The following USH1C variants were observed in gnomAD, a reference collection of about 807,000 sequenced individuals.
USH1C encodes USH1 protein network component harmonin.
In USH1C, 90 loss-of-function variants were observed where a neutral mutation model predicts 119.3. The observed-to-expected ratio is 0.75, with a 90% CI of 0.64 to 0.90. The LOEUF (loss-of-function observed/expected upper bound fraction) is 0.90, where lower values mean the gene tolerates loss of function less well. USH1C is among the 40% of genes least tolerant of loss of function. The pLI is 0.00. For missense variants in USH1C, 1,165 were observed against 1,167.7 expected, an observed-to-expected ratio of 1.00 and a Z score of 0.03; for synonymous variants, 465 against 443.3, an observed-to-expected ratio of 1.05 and a Z score of -0.62.
Position 17,526,354 on chromosome 11 carries a change from C to T in USH1C, c.667G>A (p.Gly223Ser), listed in dbSNP as rs1850671843. Residue 223 changes from glycine (G) to serine (S), a missense_variant, in exon 8 of 27, where the codon GGC becomes AGC. Coordinates refer to ENST00000005226, the MANE Select transcript of USH1C (RefSeq NM_153676.4). ...GGCATGCCTGCCACCCACCTGCAGC[C>T]AAGGCCTCGGGAGCCTACCAGGCTG... Reference protein sequence around the residue: ...FISLVGSRGLGCSISSGPIQK... With the variant: ...FISLVGSRGLSCSISSGPIQK... 1 of 1,613,666 alleles carries T rather than the reference C, an allele frequency of 6.2e-7. No individual in the cohort carries two copies. Among genetic ancestry groups the T allele is most frequent in the African/African-American group, 1.3e-5 (1 of 74,920 alleles).
chr11:17,523,487 G>A lies in USH1C; in HGVS notation c.760-9C>T, dbSNP rs762270580. 2 of 1,614,138 alleles carry A rather than the reference G, an allele frequency of 1.2e-6. No individual in the cohort carries two copies. Among genetic ancestry groups the A allele is most frequent in the Admixed American group, 1.7e-5 (1 of 60,024 alleles). ...ACAATCTGGTCCCCTATCTGGTGGG[G>A]AAATGGAGAAAGATTAGTGTGTTTG... On this transcript the variant is annotated splice_polypyrimidine_tract_variant and intron_variant, in intron 9 of 26. Transcript: ENST00000005226.
intron 20 of USH1C, among the ~76,000 whole-genome samples, chr11:17,502,494 G>A (rs898659480): frequency 2.6e-5 from 4 of 152,218 alleles, no homozygotes; most frequent in African/African-American, 7.2e-5. Context: ...GGGAGCCCAC[G>A]GACAACAAGA....
Position 17,505,884 on chromosome 11 carries a change from C to T in USH1C, c.2079G>A (p.Met693Ile). 1.2e-6 allele frequency: 2 copies of T among 1,614,156 alleles called. No homozygotes were observed. Among genetic ancestry groups the T allele is most frequent in the Non-Finnish European group, 8.5e-7 (1 of 1,180,026 alleles). Residue 693 changes from methionine (M) to isoleucine (I), a missense_variant, in exon 19 of 27, where the codon ATG (methionine) becomes ATA (isoleucine). Transcript: ENST00000005226. Reference sequence around the variant, plus strand: ...AGATGAAATTGGGCTCCTGGTGGACCATGACAGGTTTGGAGATGGTGGACA... The same window carrying T: ...AGATGAAATTGGGCTCCTGGTGGACTATGACAGGTTTGGAGATGGTGGACA... The part of the protein sequence containing the change: ...PGVSTISKPV[M>I]VHQEPNFIYR...
At position 17,509,762 on chromosome 11, in the gene USH1C, A is replaced by G; in HGVS notation, c.1607T>C (p.Leu536Pro). 1.3e-6 allele frequency: 2 copies of G among 1,594,310 alleles called. No homozygotes were observed. Among genetic ancestry groups the G allele is most frequent in the South Asian group, 1.1e-5 (1 of 90,794 alleles). The change falls in exon 18 of 27, where the codon CTG becomes CCG. Residue 536 changes from leucine (L) to proline (P), a missense_variant. Physicochemically the swap from Leu to Pro is moderately conservative, Grantham distance 98 (BLOSUM62 -3). Transcript: ENST00000005226. ...GTCCAGGTCAGTGGTGTGCAGGTGCAGTCCGCCTGCGAAGCGTCTCAAGGG... is the reference window on the plus strand; with the variant it reads ...GTCCAGGTCAGTGGTGTGCAGGTGCGGTCCGCCTGCGAAGCGTCTCAAGGG... ...APPLRRFAGG[L>P]HLHTTDLDDI...
chr11:17,503,888 T>C (rs961365301), intron 20 of USH1C, among the ~76,000 whole-genome samples: 3 of 152,194 alleles, frequency 2.0e-5, no homozygotes, highest in African/African-American at 4.8e-5. Context: ...CCAACACCTA[T>C]GTCTCACTGC....
Position 17,504,756 on chromosome 11 carries a change from C to T in USH1C, c.2134-59G>A, listed in dbSNP as rs1354746449. 6 of 1,581,244 alleles carry T rather than the reference C, an allele frequency of 3.8e-6. No individual in the cohort carries two copies. The East Asian group carries it at 6.7e-5, about 18-fold the overall frequency. Reference sequence around the variant, plus strand: ...GATGTTACCAATAGGTCTTGGCTGCCCCCTGGTGCCAGGCTTCGGGCCTGC... The same window carrying T: ...GATGTTACCAATAGGTCTTGGCTGCTCCCTGGTGCCAGGCTTCGGGCCTGC... On this transcript the variant is annotated intron_variant, in intron 19 of 26. Coordinates refer to ENST00000005226, the MANE Select transcript of USH1C (RefSeq NM_153676.4).
intron 13 of USH1C, 132 bp from the exon 14 acceptor site, chr11:17,521,126 C>A: frequency 7.6e-7 from 1 of 1,308,680 alleles, no homozygotes; most frequent in Non-Finnish European, 1.1e-6. Flanking sequence ...GCAAAGTCCC[C>A]GAGCTTGTAT....
At position 17,512,062 on chromosome 11, in the gene USH1C, G is replaced by T; in HGVS notation, c.1261-8C>A. On this transcript the variant is annotated splice_region_variant and splice_polypyrimidine_tract_variant and intron_variant, in intron 15 of 26. Transcript: ENST00000005226. ...CTTCTTATCTTTTCCTTTCTGAGTAGATGTGGCATTGTTTATATGACAAAG... is the reference window on the plus strand; with the variant it reads ...CTTCTTATCTTTTCCTTTCTGAGTATATGTGGCATTGTTTATATGACAAAG... The T allele has an allele frequency of 6.2e-7, 1 of 1,613,972 alleles. No individual in the cohort carries two copies. Among genetic ancestry groups the T allele is most frequent in the Non-Finnish European group, 8.5e-7 (1 of 1,179,988 alleles).
In USH1C at chr11:17,495,555, G is replaced by T; in HGVS notation, c.2655+14C>A. 1 of 1,612,690 alleles carries T rather than the reference G, an allele frequency of 6.2e-7. No individual in the cohort carries two copies. The highest frequency in any genetic ancestry group is 8.5e-7 in the Non-Finnish European group (1 of 1,179,058). Reference sequence around the variant, plus strand: ...AGGGACACACAGGGCCCTGTGGCCCGCCTGCCTATTCACCGTGGGCTCCAG... The same window carrying T: ...AGGGACACACAGGGCCCTGTGGCCCTCCTGCCTATTCACCGTGGGCTCCAG... On this transcript the variant is annotated intron_variant, in intron 26 of 26. Transcript: ENST00000005226.
chr11:17,523,820 G>T (rs1453882162), intron 9 of USH1C, among the ~76,000 whole-genome samples: 2 of 152,248 alleles, frequency 1.3e-5, no homozygotes, highest in African/African-American at 4.8e-5. Context: ...AGGCTGTGTT[G>T]AATCGTCATA....
chr11:17,498,077 C>T, intron 24 of USH1C, 85 bp downstream of exon 24: 1 of 1,232,290 alleles, frequency 8.1e-7, no homozygotes, highest in South Asian at 1.2e-5. Context: ...TGGAATGAGG[C>T]ATCCTATTGT....
intron 14 of USH1C, among the ~76,000 whole-genome samples, chr11:17,520,473 C>T (rs1440167762): frequency 1.3e-5 from 2 of 152,076 alleles, no homozygotes; most frequent in African/African-American, 4.8e-5. Flanking sequence ...GAGGTCCTTC[C>T]CCTCTTTTCT....
Position 17,512,010 on chromosome 11 carries a change from G to C in USH1C, c.1305C>G (p.Asp435Glu). Reference sequence around the variant, plus strand: ...CCAGTTCTTTCTTATTCTTTCTCAAGTCCTGCAGGCTGCCATACTTGGCTT... The same window carrying C: ...CCAGTTCTTTCTTATTCTTTCTCAACTCCTGCAGGCTGCCATACTTGGCTT... ...KKKAKYGSLQ[D>E]LRKNKKELEF... Residue 435 changes from aspartate (D) to glutamate (E), a missense_variant, in exon 16 of 27, where the codon GAC becomes GAG. Physicochemically the swap from Asp to Glu is conservative, Grantham distance 45 (BLOSUM62 2). Transcript: ENST00000005226. 6.2e-7 allele frequency: 1 copy of C among 1,614,160 alleles called. No homozygotes were observed. The highest frequency in any genetic ancestry group is 8.5e-7 in the Non-Finnish European group (1 of 1,180,042).
At position 17,522,847 on chromosome 11, in the gene USH1C, A is replaced by C. The variant is rs775894565; in HGVS notation, c.956T>G (p.Met319Arg). 8 of 1,613,386 alleles carry C rather than the reference A, an allele frequency of 5.0e-6. No homozygotes were observed. Among genetic ancestry groups the C allele is most frequent in the South Asian group, 1.1e-5 (1 of 91,058 alleles). The change falls in exon 12 of 27, where the codon ATG becomes AGG. Residue 319 changes from methionine to arginine, a missense_variant. By Grantham distance (91) the Met-to-Arg change is moderately conservative (BLOSUM62 -1). Coordinates refer to ENST00000005226, the MANE Select transcript of USH1C (RefSeq NM_153676.4). ...QRELQRQELL[M>R]QKRLAMESNK... is the part of the protein sequence containing the mutation. Reference sequence around the variant, plus strand: ...GGACTCCATCGCCAGCCGCTTCTGCATGAGAAGCTCCTGCCGCTGCAGCTC... The same window carrying C: ...GGACTCCATCGCCAGCCGCTTCTGCCTGAGAAGCTCCTGCCGCTGCAGCTC...
chr11:17,501,997 G>A lies in USH1C; in HGVS notation c.2185-17C>T, dbSNP rs1023627192. ...CCGGAAATCCTGGAAGCAAAGGGAG[G>A]GCTTTAGGGCAACACAGCAGAGGGT... On this transcript the variant is annotated splice_polypyrimidine_tract_variant and intron_variant, in intron 20 of 26. Coordinates refer to ENST00000005226, the MANE Select transcript of USH1C (RefSeq NM_153676.4). 1 of 1,613,170 alleles carries A rather than the reference G, an allele frequency of 6.2e-7. No individual in the cohort carries two copies. The highest frequency in any genetic ancestry group is 1.3e-5 in the African/African-American group (1 of 74,880).
intron 14 of USH1C, among the ~76,000 whole-genome samples, chr11:17,520,625 A>G (rs1250024694): frequency 6.6e-6 from 1 of 152,096 alleles, no homozygotes; most frequent in Non-Finnish European, 1.5e-5. Flanking sequence ...CAGCCTGCCC[A>G]TGTCAGTGTT....
intron 8 of USH1C, among the ~76,000 whole-genome samples, chr11:17,525,307 T>G (rs911996107): frequency 6.6e-6 from 1 of 152,252 alleles, no homozygotes; most frequent in African/African-American, 2.4e-5. Context: ...TTTACTTGGT[T>G]GGCTTCTAGA....
intron 24 of USH1C, 138 bp from the exon 25 acceptor site, chr11:17,496,951 C>T: frequency 1.1e-6 from 1 of 909,360 alleles, no homozygotes. Context: ...CACCTGGGGC[C>T]CACTGTGACT....
intron 1 of USH1C, among the ~76,000 whole-genome samples, chr11:17,541,519 G>A (rs1851465425): frequency 6.6e-6 from 1 of 152,232 alleles, no homozygotes; most frequent in Admixed American, 6.5e-5. Flanking sequence ...GATTGCTGAA[G>A]AGGCAATAAA....
Sources: gnomAD v4.1 joint callset for allele counts (sites outside exome capture counted in the v4.1 genomes callset) on GRCh38, gnomAD v4.1.1 for gene constraint, MANE v1.5 for transcripts, NCBI Gene and HGNC (gene_info 2026-07-23, HGNC 2026-07-21) for gene names.